USP25: variants seen among roughly 807,000 people sequenced by gnomAD.
The protein encoded by USP25 is ubiquitin specific peptidase 25, also known as ubiquitin carboxyl-terminal hydrolase 25.
USP25 carries 85 observed loss-of-function variants against 158.5 expected under a neutral mutation model. The ratio of observed to expected loss-of-function variants is 0.54; its 90% confidence interval spans 0.45 to 0.64. The LOEUF (loss-of-function observed/expected upper bound fraction) is 0.64, where lower values mean the gene tolerates loss of function less well. USP25 is among the 30% of genes least tolerant of loss of function. USP25 has a pLI of 0.00. For synonymous variants in USP25, 464 were observed against 460.4 expected (o/e 1.01, Z -0.10); for missense variants, 1,242 against 1,327.3 (o/e 0.94, Z 1.00).
intron 20 of USP25, among the ~76,000 whole-genome samples, chr21:15,860,137 G>A (rs571039189): frequency 1.3e-5 from 2 of 151,200 alleles, no homozygotes; most frequent in East Asian, 3.9e-4. Context: ...ACAGGCTCCC[G>A]CCACCATACC....
chr21:15,792,955 A>G (rs772810266), intron 5 of USP25, among the ~76,000 whole-genome samples: 4 of 151,690 alleles, frequency 2.6e-5, no homozygotes, highest in African/African-American at 4.8e-5. Flanking sequence ...CCAAAAAGCA[A>G]TATCTAAAAT....
At chr21:15,810,307 A>G (rs1045341411) in intron 8 of USP25, among the ~76,000 whole-genome samples, 4 of 152,192 alleles carry the variant, frequency 2.6e-5, no homozygotes, top group Admixed American at 1.3e-4. Flanking sequence ...TGACCCATTT[A>G]TCAAGAGAGA....
chr21:15,854,815 A>C (rs1159928836), intron 20 of USP25, among the ~76,000 whole-genome samples: 1 of 152,196 alleles, frequency 6.6e-6, no homozygotes, highest in Non-Finnish European at 1.5e-5. Context: ...AGTATGAAAA[A>C]GTTAATAGGC....
intron 20 of USP25, among the ~76,000 whole-genome samples, chr21:15,860,175 C>T (rs954028997): frequency 1.1e-4 from 17 of 151,598 alleles, no homozygotes; most frequent in Admixed American, 3.9e-4. Flanking sequence ...TTGTTTGAGA[C>T]GGAGTCTCAC....
intron 20 of USP25, among the ~76,000 whole-genome samples, chr21:15,862,099 A>T (rs1226827295): frequency 6.6e-6 from 1 of 152,154 alleles, no homozygotes; most frequent in East Asian, 1.9e-4. Flanking sequence ...CACTCCGTGC[A>T]TGTAAACCTG....
rs1021692133 is a variant in USP25, at chr21:15,859,293, C to T, written c.2548-4975C>T. Reference sequence around the variant, plus strand: ...CTGCAGGCTCCGCCTCCCGGGTTCACGCCATTCTCCTGCCTCAGCCTCCTG... The same window carrying T: ...CTGCAGGCTCCGCCTCCCGGGTTCATGCCATTCTCCTGCCTCAGCCTCCTG... On this transcript the variant is annotated intron_variant, in intron 20 of 25. Coordinates refer to ENST00000400183, the MANE Select transcript of USP25 (RefSeq NM_001283041.3). Among the ~76,000 whole-genome samples, 78 of 151,416 alleles carry T rather than the reference C, an allele frequency of 5.2e-4. 1 individual carries two copies. The highest frequency in any genetic ancestry group is 4.9e-3 in the Admixed American group (75 of 15,208).
chr21:15,764,169 C>T (rs958835560), intron 2 of USP25, among the ~76,000 whole-genome samples: 7 of 152,038 alleles, frequency 4.6e-5, no homozygotes, highest in African/African-American at 1.4e-4. Context: ...ATGATTATGA[C>T]GTTTAGATAA....
intron 20 of USP25, 44 bp from the exon 21 acceptor site, chr21:15,864,224 T>G (rs1334855290): frequency 6.4e-7 from 1 of 1,567,248 alleles, no homozygotes; most frequent in Non-Finnish European, 8.6e-7. Context: ...TTTTTTGGTG[T>G]TCAAATAATT....
At position 15,788,494 on chromosome 21, in the gene USP25, G is replaced by A. The variant is rs908892893; in HGVS notation, c.393-3008G>A. On this transcript the variant is annotated intron_variant, in intron 4 of 25. Coordinates refer to ENST00000400183, the MANE Select transcript of USP25 (RefSeq NM_001283041.3). ...CTCATTTATAATGTTTGCTCTAGAG[G>A]TAAAGCAAATTCTTGTTTCTACTTT... is the stretch of plus-strand genomic sequence containing the variant. 2.0e-4 allele frequency among the ~76,000 whole-genome samples: 30 copies of A among 152,034 alleles called. 1 individual carries two copies. The highest frequency in any genetic ancestry group is 1.6e-3 in the Admixed American group (25 of 15,236).
chr21:15,803,865 C>G (rs1488981061), intron 6 of USP25, among the ~76,000 whole-genome samples: 1 of 151,790 alleles, frequency 6.6e-6, no homozygotes, highest in Non-Finnish European at 1.5e-5. Context: ...GGAATCTATT[C>G]TAGAAGCAAT....
At chr21:15,870,920 G>C (rs186908439) in intron 23 of USP25, among the ~76,000 whole-genome samples, 73 of 152,262 alleles carry the variant, frequency 4.8e-4, no homozygotes, top group African/African-American at 1.6e-3. Flanking sequence ...CAACATAGCG[G>C]CCACCTGACA....
intron 6 of USP25, among the ~76,000 whole-genome samples, chr21:15,802,128 T>C (rs2036165137): frequency 6.6e-6 from 1 of 151,608 alleles, no homozygotes; most frequent in East Asian, 1.9e-4. Flanking sequence ...ATGTATAATA[T>C]TTAGTGGAAA....
rs1407802974 is a variant in USP25, at chr21:15,830,574, A to C, written c.1737A>C (p.Leu579Phe). The change falls in exon 15 of 26, where the codon TTA becomes TTC. Residue 579 changes from leucine to phenylalanine, a missense_variant. By Grantham distance (22) the Leu-to-Phe change is conservative. Coordinates refer to ENST00000400183, the MANE Select transcript of USP25 (RefSeq NM_001283041.3). The stretch of plus-strand genomic sequence containing the variant: ...CCAGAATCCATCGAACAATTGAATT[A>C]ATGTACTCTGACAAATCTATGATAC... The part of the protein sequence containing the change: ...SISRIHRTIE[L>F]MYSDKSMIQV... 6.2e-7 allele frequency: 1 copy of C among 1,604,110 alleles called. No homozygotes were observed.
chr21:15,785,601 A>T (rs1339687643), intron 4 of USP25, among the ~76,000 whole-genome samples: 20 of 152,138 alleles, frequency 1.3e-4, no homozygotes, highest in Non-Finnish European at 2.9e-4. Flanking sequence ...AAGGGTAATT[A>T]GAAAGTTCCC....
intron 1 of USP25, among the ~76,000 whole-genome samples, chr21:15,734,947 C>T (rs28372331): frequency 0.025 from 3,783 of 152,166 alleles, 159 homozygotes; most frequent in African/African-American, 0.083. Context: ...TTTAATCTTT[C>T]CAACCACCTT....
At chr21:15,799,155 A>T (rs2036007062) in intron 5 of USP25, among the ~76,000 whole-genome samples, 1 of 151,182 alleles carries the variant, frequency 6.6e-6, no homozygotes, top group Admixed American at 6.6e-5. Flanking sequence ...AATGGTTGCA[A>T]ACTACAGTTT....
chr21:15,814,187 C>T (rs116631132), intron 9 of USP25, among the ~76,000 whole-genome samples: 2,245 of 150,036 alleles, frequency 0.015, 63 homozygotes, highest in African/African-American at 0.052. Context: ...ACCTCATTTC[C>T]TCTTGCTGCT....
At chr21:15,731,499 A>T (rs1364366160) in intron 1 of USP25, among the ~76,000 whole-genome samples, 5 of 152,174 alleles carry the variant, frequency 3.3e-5, no homozygotes, top group Non-Finnish European at 7.3e-5. Context: ...ACTTTAGAAT[A>T]AGACCTGTTC....
chr21:15,790,650 CT>C (rs77394054), intron 4 of USP25, among the ~76,000 whole-genome samples: 10,655 of 126,456 alleles, frequency 0.084, 328 homozygotes, highest in East Asian at 0.11. Flanking sequence ...TAACAAGTTT[CT>C]TTTTTTTTTT....
Sources: allele counts gnomAD v4.1 joint callset (sites outside exome capture counted in the v4.1 genomes callset), GRCh38; gene constraint gnomAD v4.1.1; transcripts MANE v1.5; gene names NCBI Gene and HGNC (gene_info 2026-07-23, HGNC 2026-07-21).